The following SGCZ variants were observed in gnomAD, a reference collection of about 807,000 sequenced individuals.
The protein encoded by SGCZ is zeta-sarcoglycan.
A neutral mutation model predicts 41.3 loss-of-function variants in SGCZ; 40 were observed. The ratio of observed to expected loss-of-function variants is 0.97; its 90% CI spans 0.75 to 1.26. The LOEUF is 1.26. Among genes scored for constraint, SGCZ ranks in the 50% most tolerant of loss-of-function variants. The pLI, the probability that SGCZ is intolerant of heterozygous loss-of-function variation, is 0.00. For synonymous variants in SGCZ, 206 were observed against 137.5 expected, an observed-to-expected ratio of 1.50 and a Z score of -3.49; for missense variants, 552 against 369.8, an observed-to-expected ratio of 1.49 and a Z score of -4.04.
chr8:15,073,004 T>C (rs544235437), intron 1 of SGCZ, among the ~76,000 whole-genome samples: 3 of 152,228 alleles, frequency 2.0e-5, no homozygotes, highest in Non-Finnish European at 2.9e-5. Context: ...TTAAATGCAT[T>C]AGGCTAAGAA....
At chr8:14,639,099 T>C (rs1209531361) in intron 1 of SGCZ, among the ~76,000 whole-genome samples, 1 of 144,440 alleles carries the variant, frequency 6.9e-6, no homozygotes, top group Admixed American at 7.3e-5. Flanking sequence ...CAGGCTGGAG[T>C]GCAGTGGTGC....
intron 1 of SGCZ, among the ~76,000 whole-genome samples, chr8:14,646,705 G>T (rs916959100): frequency 4.0e-5 from 6 of 151,732 alleles, no homozygotes; most frequent in Non-Finnish European, 8.8e-5. Flanking sequence ...TTGGTCTTTG[G>T]AAAATACTAG....
chr8:14,196,510 C>T (rs754116495), intron 4 of SGCZ, among the ~76,000 whole-genome samples: 1 of 152,106 alleles, frequency 6.6e-6, no homozygotes, highest in Non-Finnish European at 1.5e-5. Flanking sequence ...AAATTGACTA[C>T]ATGAAACAGC....
intron 1 of SGCZ, among the ~76,000 whole-genome samples, chr8:15,081,654 T>C (rs1316110653): frequency 1.3e-5 from 2 of 152,174 alleles, no homozygotes; most frequent in Non-Finnish European, 2.9e-5. Context: ...CCAGTAGGTG[T>C]TGTGTACCTG....
At chr8:14,117,481 C>T (rs1166952191) in intron 5 of SGCZ, among the ~76,000 whole-genome samples, 2 of 143,324 alleles carry the variant, frequency 1.4e-5, no homozygotes, top group African/African-American at 2.6e-5. Context: ...GTACTTGACC[C>T]GTGTGTGTGT....
chr8:14,319,498 C>G (rs1310606567), intron 3 of SGCZ: 1 of 151,998 alleles, frequency 6.6e-6, no homozygotes, highest in Non-Finnish European at 1.5e-5. Context: ...AATTTTCTGG[C>G]TTTTCCAGGA....
chr8:14,214,580 G>C (rs956485200), intron 4 of SGCZ, among the ~76,000 whole-genome samples: 1 of 152,080 alleles, frequency 6.6e-6, no homozygotes, highest in African/African-American at 2.4e-5. Flanking sequence ...TTTATAAATA[G>C]AGGTTAACAG....
intron 1 of SGCZ, among the ~76,000 whole-genome samples, chr8:14,812,854 CA>C (rs1488818720): frequency 1.3e-5 from 2 of 152,112 alleles, no homozygotes; most frequent in Non-Finnish European, 1.5e-5. Context: ...TTGAAAAAAG[CA>C]TTGCATTTTG....
chr8:14,551,150 T>A (rs1165787468), intron 2 of SGCZ, among the ~76,000 whole-genome samples: 2 of 149,234 alleles, frequency 1.3e-5, no homozygotes, highest in Non-Finnish European at 3.0e-5. Context: ...TTAGCATATC[T>A]ATCAGCTAGA....
At chr8:14,963,372 T>A (rs532409107) in intron 1 of SGCZ, among the ~76,000 whole-genome samples, 1 of 151,184 alleles carries the variant, frequency 6.6e-6, no homozygotes, top group Non-Finnish European at 1.5e-5. Context: ...AGAGTCTCAC[T>A]CTATTGCCGA....
chr8:14,231,320 G>A (rs936411547), intron 4 of SGCZ, among the ~76,000 whole-genome samples: 2 of 151,834 alleles, frequency 1.3e-5, no homozygotes, highest in Non-Finnish European at 2.9e-5. Flanking sequence ...GGTGGGCAGA[G>A]GGGCACTGGC....
chr8:14,317,232 G>T (rs997218480), intron 3 of SGCZ, among the ~76,000 whole-genome samples: 5 of 151,980 alleles, frequency 3.3e-5, no homozygotes, highest in African/African-American at 1.2e-4. Flanking sequence ...GGCCACTGTG[G>T]TAAGGTTATA....
At chr8:14,529,723 T>C (rs147938949) in intron 2 of SGCZ, among the ~76,000 whole-genome samples, 75 of 152,226 alleles carry the variant, frequency 4.9e-4, no homozygotes, top group African/African-American at 1.7e-3. Context: ...AATAGCACAA[T>C]TTTAGCAACT....
At chr8:14,333,558 C>T (rs944144998) in intron 2 of SGCZ, among the ~76,000 whole-genome samples, 1 of 151,734 alleles carries the variant, frequency 6.6e-6, no homozygotes, top group Admixed American at 6.6e-5. Flanking sequence ...ATTTAGAAAA[C>T]CATTGCATGA....
intron 3 of SGCZ, among the ~76,000 whole-genome samples, chr8:14,277,668 G>A (rs558615886): frequency 6.6e-6 from 1 of 152,198 alleles, no homozygotes; most frequent in East Asian, 1.9e-4. Flanking sequence ...TGGTGTTCTG[G>A]CATGCTGAGC....
rs180800725 is a variant in SGCZ at position 15,152,096 on chromosome 8, C to T, written c.39+85489G>A. On this transcript the variant is annotated intron_variant, in intron 1 of 7. Transcript: ENST00000382080. ...CTTTAATTTCCTTTTGAAAGAATCA[C>T]TTTTCTGGATTTTGTTTGTTAAAAA... 3.0e-4 allele frequency among the ~76,000 whole-genome samples: 46 copies of T among 152,234 alleles called. 1 individual carries two copies. The highest frequency in any genetic ancestry group is 1.5e-3 in the South Asian group (7 of 4,820).
At position 14,842,144 on chromosome 8, in the gene SGCZ, A is replaced by G. The variant is rs566521816; in HGVS notation, c.40-287218T>C. On this transcript the variant is annotated intron_variant, in intron 1 of 7. Coordinates refer to ENST00000382080, the MANE Select transcript of SGCZ (RefSeq NM_139167.4). ...ACAAACATGAAACTTTAGCCAGAAC[A>G]CACATAACTGCACATCAGGATAAAT... Among the ~76,000 whole-genome samples, 5 of 152,322 alleles carry G rather than the reference A, an allele frequency of 3.3e-5. No individual in the cohort carries two copies. The East Asian group carries it at 9.6e-4, about 29-fold the overall frequency.
chr8:14,936,076 C>A (rs1800071646), intron 1 of SGCZ, among the ~76,000 whole-genome samples: 1 of 151,746 alleles, frequency 6.6e-6, no homozygotes, highest in South Asian at 2.1e-4. Context: ...TTCAAAATTG[C>A]CATCATTATA....
chr8:14,156,046 C>T (rs1803866800), intron 5 of SGCZ, among the ~76,000 whole-genome samples: 4 of 152,154 alleles, frequency 2.6e-5, no homozygotes, highest in African/African-American at 9.7e-5. Flanking sequence ...AGTCCTGAAG[C>T]TTGCAGGACG....
Sources: allele counts gnomAD v4.1 joint callset (sites outside exome capture counted in the v4.1 genomes callset), GRCh38; gene constraint gnomAD v4.1.1; transcripts MANE v1.5; gene names NCBI Gene and HGNC (gene_info 2026-07-23, HGNC 2026-07-21).